TMEM45A: variants seen among roughly 807,000 people sequenced by gnomAD.
TMEM45A encodes the protein DNA polymerase-transactivated protein 4.
Under a neutral mutation model 32.0 loss-of-function variants are expected in TMEM45A, and 25 were observed. The ratio of observed to expected loss-of-function variants is 0.78; its 90% CI spans 0.57 to 1.09. The LOEUF (loss-of-function observed/expected upper bound fraction) is 1.09, where lower values mean the gene tolerates loss of function less well. Ranked by LOEUF, TMEM45A falls within the 50% of genes least tolerant of loss-of-function variation. The probability of loss-of-function intolerance (pLI) is 0.00; values close to 1 mark genes in which losing one functional copy is unlikely to be tolerated. For synonymous variants in TMEM45A, 122 were observed against 114.8 expected, an observed-to-expected ratio of 1.06 and a Z score of -0.40; for missense variants, 302 against 325.0, an observed-to-expected ratio of 0.93 and a Z score of 0.54.
At chr3:100,510,546 C>G (rs1167324551) in intron 1 of TMEM45A, among the ~76,000 whole-genome samples, 1 of 152,222 alleles carries the variant, frequency 6.6e-6, no homozygotes, top group East Asian at 1.9e-4. Flanking sequence ...ACTGGAAACT[C>G]TAAAAATCAG....
chr3:100,503,139 T>G (rs1559633095), intron 1 of TMEM45A, among the ~76,000 whole-genome samples: 1 of 152,178 alleles, frequency 6.6e-6, no homozygotes, highest in East Asian at 1.9e-4. Context: ...ACAGTTTCAC[T>G]CTGTCATCCA....
intron 1 of TMEM45A, chr3:100,519,227 T>A (rs963185920): frequency 6.6e-6 from 2 of 303,888 alleles, no homozygotes; most frequent in African/African-American, 4.2e-5. Context: ...ACTTGAGCAT[T>A]AAGCAGTATC....
intron 1 of TMEM45A, among the ~76,000 whole-genome samples, chr3:100,534,592 A>G (rs1048640426): frequency 2.6e-5 from 4 of 152,186 alleles, no homozygotes; most frequent in Non-Finnish European, 4.4e-5. Context: ...TGGCCCTGCC[A>G]GCACCTTGAT....
At chr3:100,546,577 A>T (rs1705984120) in intron 1 of TMEM45A, among the ~76,000 whole-genome samples, 1 of 152,214 alleles carries the variant, frequency 6.6e-6, no homozygotes, top group Non-Finnish European at 1.5e-5. Flanking sequence ...ATGACAAATG[A>T]ATGACAAAGA....
intron 1 of TMEM45A, among the ~76,000 whole-genome samples, chr3:100,548,490 G>T (rs1018511250): frequency 6.6e-5 from 10 of 152,130 alleles, no homozygotes; most frequent in African/African-American, 2.2e-4. Flanking sequence ...TCACCTAACT[G>T]CTTTCCACTG....
Position 100,498,573 on chromosome 3 carries a change from G to A in TMEM45A, c.-4+5645G>A, listed in dbSNP as rs115907143. On this transcript the variant is annotated intron_variant, in intron 1 of 5. Transcript: ENST00000323523. ...TCTCAAAATCAATCTGTCCATGTATGTGTGTGTGTGTTTGTGTGTGTGTCC... is the reference window on the plus strand; with the variant it reads ...TCTCAAAATCAATCTGTCCATGTATATGTGTGTGTGTTTGTGTGTGTGTCC... Among the ~76,000 whole-genome samples the A allele has an allele frequency of 3.6e-3, 543 of 152,024 alleles. 5 individuals carry two copies. The highest frequency in any genetic ancestry group is 0.013 in the African/African-American group (524 of 41,514).
At chr3:100,525,178 AC>A (rs1268775994) in intron 1 of TMEM45A, among the ~76,000 whole-genome samples, 1 of 151,978 alleles carries the variant, frequency 6.6e-6, no homozygotes, top group Non-Finnish European at 1.5e-5. Flanking sequence ...ACAAAGCAAG[AC>A]CTTGTCTCTG....
chr3:100,549,676 G>A (rs1054004007), intron 1 of TMEM45A, among the ~76,000 whole-genome samples: 23 of 152,190 alleles, frequency 1.5e-4, no homozygotes, highest in Non-Finnish European at 3.4e-4. Context: ...AGAGTGGGCA[G>A]TTTTAGATTT....
At chr3:100,526,076 C>T (rs1034610218) in intron 1 of TMEM45A, among the ~76,000 whole-genome samples, 19 of 152,172 alleles carry the variant, frequency 1.2e-4, no homozygotes, top group African/African-American at 4.3e-4. Flanking sequence ...AACCAGTTTC[C>T]TTGCCTCCAG....
At chr3:100,510,332 C>T (rs1448558711) in intron 1 of TMEM45A, among the ~76,000 whole-genome samples, 3 of 152,238 alleles carry the variant, frequency 2.0e-5, no homozygotes, top group Non-Finnish European at 4.4e-5. Flanking sequence ...AGCAGCCTAA[C>T]TGGGAGGCAC....
chr3:100,556,178 A>C (rs1706218287), intron 2 of TMEM45A, among the ~76,000 whole-genome samples: 1 of 152,082 alleles, frequency 6.6e-6, no homozygotes, highest in Non-Finnish European at 1.5e-5. Context: ...ATGGGGTTCC[A>C]CCATGTTGGC....
intron 1 of TMEM45A, among the ~76,000 whole-genome samples, chr3:100,510,283 G>A (rs968863892): frequency 3.3e-5 from 5 of 152,244 alleles, no homozygotes; most frequent in African/African-American, 1.2e-4. Context: ...AGAATGGGCA[G>A]ACTGCCTCCT....
At position 100,544,036 on chromosome 3, in the gene TMEM45A, A is replaced by G. The variant is rs552546729; in HGVS notation, c.-3-11173A>G. ...AAAAGTGGTACACAGAAAGCAGTCAATAACTATTAGCTAATATTTGGACAT... is the reference window on the plus strand; with the variant it reads ...AAAAGTGGTACACAGAAAGCAGTCAGTAACTATTAGCTAATATTTGGACAT... On this transcript the variant is annotated intron_variant, in intron 1 of 5. Transcript: ENST00000323523. Among the ~76,000 whole-genome samples the G allele has an allele frequency of 9.2e-5, 14 of 152,288 alleles. No homozygotes were observed. In the South Asian group the frequency reaches 2.5e-3, roughly 27 times the overall value.
intron 4 of TMEM45A, among the ~76,000 whole-genome samples, chr3:100,563,681 C>T (rs750511964): frequency 3.3e-5 from 5 of 152,190 alleles, no homozygotes; most frequent in Non-Finnish European, 7.3e-5. Flanking sequence ...GACTATGTGA[C>T]TCAATTTTCT....
chr3:100,499,565 T>C (rs894877983), intron 1 of TMEM45A, among the ~76,000 whole-genome samples: 13 of 152,226 alleles, frequency 8.5e-5, no homozygotes, highest in African/African-American at 3.1e-4. Flanking sequence ...TGATTTTTTC[T>C]TATAGAATTA....
chr3:100,553,512 A>G (rs1036654844), intron 1 of TMEM45A, among the ~76,000 whole-genome samples: 3 of 152,190 alleles, frequency 2.0e-5, no homozygotes, highest in Non-Finnish European at 4.4e-5. Context: ...GAAAAGTTCA[A>G]AAAATTTGCA....
At chr3:100,570,204 C>T (rs1026935866) in intron 5 of TMEM45A, among the ~76,000 whole-genome samples, 1 of 152,212 alleles carries the variant, frequency 6.6e-6, no homozygotes, top group Admixed American at 6.5e-5. Context: ...TTGGACACTA[C>T]ACATCTAGCA....
chr3:100,494,165 G>A (rs1324274740), intron 1 of TMEM45A, among the ~76,000 whole-genome samples: 1 of 152,194 alleles, frequency 6.6e-6, no homozygotes, highest in East Asian at 1.9e-4. Context: ...TTAAGTGAGT[G>A]GCCTGAGACC....
At chr3:100,539,502 C>CGTATATGTATAT (rs1491324313) in intron 1 of TMEM45A, among the ~76,000 whole-genome samples, 7 of 56,682 alleles carry the variant, frequency 1.2e-4, no homozygotes, top group Non-Finnish European at 2.6e-4. Context: ...TATACGTATA[C>CGTATATGTATAT]GTATACGTAT....
Sources: gnomAD v4.1 joint callset for allele counts (sites outside exome capture counted in the v4.1 genomes callset) on GRCh38, gnomAD v4.1.1 for gene constraint, MANE v1.5 for transcripts, NCBI Gene and HGNC (gene_info 2026-07-23, HGNC 2026-07-21) for gene names.